The following EYS variants were observed in gnomAD, a reference collection of about 807,000 sequenced individuals.
EYS encodes the protein protein eyes shut homolog.
EYS carries 250 observed loss-of-function variants against 282.1 expected under a neutral mutation model. The ratio of observed to expected loss-of-function variants is 0.89; its 90% confidence interval spans 0.80 to 0.98. EYS has a LOEUF of 0.98. Among genes scored for constraint, EYS ranks in the 50% least tolerant of loss-of-function variants. The probability of loss-of-function intolerance (pLI) is 0.00; values close to 1 mark genes in which losing one functional copy is unlikely to be tolerated. For missense variants in EYS, 4,016 were observed against 3,709.0 expected, an observed-to-expected ratio of 1.08 and a Z score of -2.15; for synonymous variants, 1,355 against 1,282.9, an observed-to-expected ratio of 1.06 and a Z score of -1.20.
At chr6:64,071,566 TAACA>T (rs761444373) in intron 32 of EYS, among the ~76,000 whole-genome samples, 15,464 of 151,008 alleles carry the variant, frequency 0.1, 1,435 homozygotes, top group African/African-American at 0.25. Flanking sequence ...TATTATACTT[TAACA>T]AAGAAAAATC....
chr6:64,407,246 A>G (rs1428367530), intron 28 of EYS, among the ~76,000 whole-genome samples: 1 of 151,948 alleles, frequency 6.6e-6, no homozygotes, highest in Non-Finnish European at 1.5e-5. Flanking sequence ...GGAGTTTAAA[A>G]ATGAGATCAC....
chr6:64,676,239 A>T (rs1355731760), intron 22 of EYS, among the ~76,000 whole-genome samples: 3 of 148,522 alleles, frequency 2.0e-5, no homozygotes, highest in Non-Finnish European at 4.5e-5. Flanking sequence ...GGATAGGTAG[A>T]GAAAGCTGTA....
intron 12 of EYS, among the ~76,000 whole-genome samples, 195 bp from the exon 13 acceptor site, chr6:65,057,922 T>C (rs993947587): frequency 1.3e-5 from 2 of 152,096 alleles, no homozygotes; most frequent in Non-Finnish European, 2.9e-5. Flanking sequence ...TAACTTCTCT[T>C]AGAATTACTA....
intron 30 of EYS, among the ~76,000 whole-genome samples, chr6:64,248,818 A>C (rs1767105960): frequency 1.3e-5 from 2 of 151,972 alleles, no homozygotes; most frequent in African/African-American, 4.8e-5. Context: ...ACTTTGGGGG[A>C]CCAAGGCAGG....
intron 12 of EYS, among the ~76,000 whole-genome samples, chr6:65,262,884 A>T (rs1005320877): frequency 6.6e-6 from 1 of 152,140 alleles, no homozygotes; most frequent in Non-Finnish European, 1.5e-5. Context: ...CATATAGATC[A>T]TCTTGCTTAT....
intron 12 of EYS, among the ~76,000 whole-genome samples, chr6:65,263,932 A>T (rs1767684878): frequency 6.6e-6 from 1 of 152,100 alleles, no homozygotes; most frequent in African/African-American, 2.4e-5. Context: ...ACAAGGAAGT[A>T]GAAAAAAACA....
intron 2 of EYS, among the ~76,000 whole-genome samples, chr6:65,582,501 C>T (rs1004148670): frequency 2.6e-5 from 4 of 152,124 alleles, no homozygotes; most frequent in Non-Finnish European, 5.9e-5. Context: ...CTCATGTCAA[C>T]TGTATTCATT....
rs368740720 is a variant in EYS, at chr6:65,128,618, G to A, written c.2024-70891C>T. 1.2e-3 allele frequency among the ~76,000 whole-genome samples: 188 copies of A among 152,020 alleles called. 1 individual carries two copies. The highest frequency in any genetic ancestry group is 4.2e-3 in the African/African-American group (176 of 41,518). On this transcript the variant is annotated intron_variant, in intron 12 of 42. Transcript: ENST00000503581. Reference sequence around the variant, plus strand: ...ATAAGCAGGAATACAGCTAACCAAGGAAGAGAAAGAGCTCTTCAAGGAGAA... The same window carrying A: ...ATAAGCAGGAATACAGCTAACCAAGAAAGAGAAAGAGCTCTTCAAGGAGAA...
At chr6:64,522,226 G>T (rs959649513) in intron 26 of EYS, among the ~76,000 whole-genome samples, 1 of 151,716 alleles carries the variant, frequency 6.6e-6, no homozygotes, top group Non-Finnish European at 1.5e-5. Flanking sequence ...CTTATTATAT[G>T]AAGTTTTGAA....
At chr6:64,504,548 G>A (rs1777153355) in intron 26 of EYS, among the ~76,000 whole-genome samples, 1 of 152,186 alleles carries the variant, frequency 6.6e-6, no homozygotes, top group Non-Finnish European at 1.5e-5. Context: ...ACTGCTGTCA[G>A]AAAACTCACT....
chr6:65,546,058 C>T (rs1442867231), intron 2 of EYS, among the ~76,000 whole-genome samples: 2 of 147,688 alleles, frequency 1.4e-5, no homozygotes, highest in African/African-American at 2.5e-5. Flanking sequence ...CTGGATCTGT[C>T]ACCCAGGCTG....
chr6:64,101,281 T>C (rs1222214283), intron 31 of EYS, among the ~76,000 whole-genome samples: 1 of 152,180 alleles, frequency 6.6e-6, no homozygotes, highest in Non-Finnish European at 1.5e-5. Flanking sequence ...GTGCTATATT[T>C]TGAAGATTGT....
chr6:64,235,759 C>A (rs9451163), intron 30 of EYS, among the ~76,000 whole-genome samples: 16 of 152,002 alleles, frequency 1.1e-4, no homozygotes, highest in Non-Finnish European at 1.6e-4. Flanking sequence ...CTGTTGTTTC[C>A]TGACTTTTTA....
At chr6:65,277,429 C>CAA (rs369210712) in intron 12 of EYS, among the ~76,000 whole-genome samples, 5 of 58,244 alleles carry the variant, frequency 8.6e-5, no homozygotes, top group Admixed American at 2.7e-4. Flanking sequence ...GAGATTCCGT[C>CAA]AAAAAAAAAA....
intron 31 of EYS, among the ~76,000 whole-genome samples, chr6:64,184,466 G>C (rs1367443185): frequency 6.6e-6 from 1 of 151,958 alleles, no homozygotes; most frequent in African/African-American, 2.4e-5. Context: ...CTTCACTTCT[G>C]TAAGTAAGAA....
intron 29 of EYS, among the ~76,000 whole-genome samples, chr6:64,336,690 A>G (rs1307907540): frequency 6.6e-6 from 1 of 152,124 alleles, no homozygotes; most frequent in Non-Finnish European, 1.5e-5. Flanking sequence ...TCAACAGCGC[A>G]TGGAACTTTC....
At chr6:64,195,073 T>C (rs566914084) in intron 31 of EYS, among the ~76,000 whole-genome samples, 3 of 152,182 alleles carry the variant, frequency 2.0e-5, no homozygotes. Flanking sequence ...GTTTTTGTTG[T>C]CTGTATAGTC....
intron 29 of EYS, among the ~76,000 whole-genome samples, chr6:64,311,992 T>TTTTTTC (rs1554142339): frequency 2.0e-5 from 3 of 150,678 alleles, no homozygotes; most frequent in African/African-American, 7.4e-5. Context: ...TTTTTTTTTT[T>TTTTTTC]CATACCCCAG....
At chr6:65,270,806 C>T (rs1257420404) in intron 12 of EYS, among the ~76,000 whole-genome samples, 1 of 151,958 alleles carries the variant, frequency 6.6e-6, no homozygotes, top group Non-Finnish European at 1.5e-5. Context: ...ACTTCTGCTC[C>T]ATTGTCCAAT....
Sources: allele counts gnomAD v4.1 joint callset (sites outside exome capture counted in the v4.1 genomes callset), GRCh38; gene constraint gnomAD v4.1.1; transcripts MANE v1.5; gene names NCBI Gene and HGNC (gene_info 2026-07-23, HGNC 2026-07-21).